Variants in PAXIP1 observed in about 807,000 individuals in gnomAD.
PAXIP1 encodes the protein PAX-interacting protein 1.
A neutral mutation model predicts 140.6 loss-of-function variants in PAXIP1; 19 were observed. The observed-to-expected ratio is 0.14, with a 90% CI of 0.09 to 0.20. The LOEUF is 0.20. Among genes scored for constraint, PAXIP1 ranks in the 10% least tolerant of loss-of-function variants. The probability of loss-of-function intolerance (pLI) is 1.00; values close to 1 mark genes in which losing one functional copy is unlikely to be tolerated. For missense variants in PAXIP1, 920 were observed against 1,208.6 expected, an observed-to-expected ratio of 0.76 and a Z score of 3.54; for synonymous variants, 442 against 444.6, an observed-to-expected ratio of 0.99 and a Z score of 0.07.
At chr7:154,976,809 A>T (rs948384810) in intron 5 of PAXIP1, among the ~76,000 whole-genome samples, 1 of 152,230 alleles carries the variant, frequency 6.6e-6, no homozygotes, top group Non-Finnish European at 1.5e-5. Flanking sequence ...GGACAGCTCT[A>T]TTCAAGATCC....
intron 1 of PAXIP1, 28 bp downstream of exon 1, chr7:155,002,821 G>A (rs779748834): frequency 2.3e-6 from 3 of 1,322,870 alleles, no homozygotes; most frequent in Non-Finnish European, 2.0e-6. Context: ...GACGGGGGAG[G>A]AGGCCGCGGC....
chr7:154,967,984 G>A lies in PAXIP1; in HGVS notation c.1799-74C>T, dbSNP rs978718205. The A allele has an allele frequency of 3.6e-5, 32 of 897,386 alleles. 1 individual carries two copies. The highest frequency in any genetic ancestry group is 2.8e-4 in the South Asian group (18 of 63,572). The allele number at this position is 897,386 out of a possible 1,614,324, so 55.6% of individuals were successfully genotyped here. On this transcript the variant is annotated intron_variant, in intron 7 of 20. Coordinates refer to ENST00000404141, the MANE Select transcript of PAXIP1 (RefSeq NM_007349.4). ...GCTTGCACAAAAGTTAAAAAGTGGC[G>A]CCTCACAATGTCAATCTGTTATGTT...
At chr7:154,964,311 G>C (rs1808902578) in intron 8 of PAXIP1, 1 of 153,196 alleles carries the variant, frequency 6.5e-6, no homozygotes, top group East Asian at 1.9e-4. Flanking sequence ...GAATTGCTCT[G>C]TGTCCGGGCT....
intron 6 of PAXIP1, among the ~76,000 whole-genome samples, chr7:154,971,089 G>A (rs1676438566): frequency 6.6e-6 from 1 of 152,218 alleles, no homozygotes; most frequent in African/African-American, 2.4e-5. Context: ...ACAGAGGCCA[G>A]AGGCTCCTAT....
chr7:154,946,830 A>G lies in PAXIP1; in HGVS notation c.2923-17T>C, dbSNP rs1232190523. The G allele has an allele frequency of 6.6e-7, 1 of 1,519,658 alleles. No individual in the cohort carries two copies. Among genetic ancestry groups the G allele is most frequent in the East Asian group, 2.4e-5 (1 of 41,102 alleles). The allele number at this position is 1,519,658 out of a possible 1,614,324, so 94.1% of individuals were successfully genotyped here. A position where few individuals can be genotyped will look rare whatever the true frequency, so the allele number is the denominator to read the frequency against. On this transcript the variant is annotated splice_polypyrimidine_tract_variant and intron_variant, in intron 17 of 20. Coordinates refer to ENST00000404141, the MANE Select transcript of PAXIP1 (RefSeq NM_007349.4). The surrounding 1 kb of genome is among the most constrained non-coding windows in gnomAD (Gnocchi z 4.9). ...ATATTTTGCCTAAAATTAAATGAAA[A>G]TATATGTATTATGTTCTTAAAATGC... is the stretch of plus-strand genomic sequence containing the variant.
intron 2 of PAXIP1, 45 bp from the exon 3 acceptor site, chr7:154,993,814 G>A (rs1374284403): frequency 1.4e-6 from 2 of 1,432,974 alleles, no homozygotes; most frequent in Admixed American, 2.0e-5. Context: ...CAATTTACAA[G>A]TGGCATATTA....
At position 154,961,667 on chromosome 7, in the gene PAXIP1, A is replaced by C. The variant is rs1216023660; in HGVS notation, c.2128-19T>G. On this transcript the variant is annotated intron_variant, in intron 10 of 20. Transcript: ENST00000404141. The stretch of plus-strand genomic sequence containing the variant: ...AAATAATCTAAGAAAAAAAGAGAAA[A>C]TAAGGTAAACACAAAATAAGCAAAA... 1 of 1,565,716 alleles carries C rather than the reference A, an allele frequency of 6.4e-7. No homozygotes were observed. Among genetic ancestry groups the C allele is most frequent in the Non-Finnish European group, 8.7e-7 (1 of 1,155,842 alleles).
chr7:154,975,897 G>A lies in PAXIP1; in HGVS notation c.873C>T (p.Asn291=). 7 of 1,614,004 alleles carry A rather than the reference G, an allele frequency of 4.3e-6. No individual in the cohort carries two copies. The highest frequency in any genetic ancestry group is 1.3e-5 in the African/African-American group (1 of 75,056). The part of the protein sequence containing the change: ...LPQGKEPGLI[N]LCANVPPVPG... Reference sequence around the variant, plus strand: ...GGACGGGTGGGACATTGGCACACAAGTTAATCAACCCAGGCTCCTTTCCCT... The same window carrying A: ...GGACGGGTGGGACATTGGCACACAAATTAATCAACCCAGGCTCCTTTCCCT... Residue 291 remains asparagine, a synonymous_variant, in exon 6 of 21, where the codon AAC becomes AAT. Coordinates refer to ENST00000404141, the MANE Select transcript of PAXIP1 (RefSeq NM_007349.4).
chr7:154,962,590 CT>C, intron 9 of PAXIP1, 132 bp from the exon 10 acceptor site: 1 of 708,202 alleles, frequency 1.4e-6, no homozygotes, highest in Non-Finnish European at 2.3e-6. Context: ...ACATCTAGCA[CT>C]TGATTAAAGT....
intron 1 of PAXIP1, among the ~76,000 whole-genome samples, chr7:154,999,840 G>A (rs778283758): frequency 2.0e-5 from 3 of 152,192 alleles, no homozygotes; most frequent in Non-Finnish European, 2.9e-5. Flanking sequence ...AGCCATGAGC[G>A]TGAAGGTGGT....
chr7:154,973,096 T>C lies in PAXIP1; in HGVS notation c.1074+2600A>G, dbSNP rs1055488451. Among the ~76,000 whole-genome samples the C allele has an allele frequency of 4.5e-4, 68 of 152,088 alleles. No homozygotes were observed. Among genetic ancestry groups the C allele is most frequent in the Non-Finnish European group, 2.9e-4 (20 of 68,012 alleles). On this transcript the variant is annotated intron_variant, in intron 6 of 20. Transcript: ENST00000404141. This position sits in a 1 kb window ranked among gnomAD's most constrained non-coding sequence, Gnocchi z 4.0. Reference sequence around the variant, plus strand: ...TGGCTCCTTCTGTGCATCTACCTTTTCCCTAAACTCGGCTGACCCCAGCGC... The same window carrying C: ...TGGCTCCTTCTGTGCATCTACCTTTCCCCTAAACTCGGCTGACCCCAGCGC...
In PAXIP1 at chr7:154,962,308, G is replaced by A. The variant is rs1331118382; in HGVS notation, c.2127+13C>T. 2 of 1,611,712 alleles carry A rather than the reference G, an allele frequency of 1.2e-6. No individual in the cohort carries two copies. The highest frequency in any genetic ancestry group is 2.7e-5 in the African/African-American group (2 of 74,798). On this transcript the variant is annotated intron_variant, in intron 10 of 20. Coordinates refer to ENST00000404141, the MANE Select transcript of PAXIP1 (RefSeq NM_007349.4). ...GATGATTTAACAAATGGAACGCGAG[G>A]ACTCTGTCTTACATGCTGTGAACAT...
intron 20 of PAXIP1, chr7:154,944,479 A>C: frequency 5.1e-6 from 1 of 195,408 alleles, no homozygotes; most frequent in Admixed American, 5.5e-5. Context: ...CACAACCCCC[A>C]AGAGCTGACA....
In PAXIP1 at chr7:154,986,416, G is replaced by A. The variant is rs572637382; in HGVS notation, c.325-3084C>T. The stretch of plus-strand genomic sequence containing the variant: ...ATTTTTGCATATGTTGCAACATACC[G>A]TATTTGCCCAAGGCCTGACCCCTCC... On this transcript the variant is annotated intron_variant, in intron 4 of 20. Coordinates refer to ENST00000404141, the MANE Select transcript of PAXIP1 (RefSeq NM_007349.4). This position sits in a 1 kb window ranked among gnomAD's most constrained non-coding sequence, Gnocchi z 4.8. 1.7e-4 allele frequency among the ~76,000 whole-genome samples: 26 copies of A among 152,050 alleles called. No homozygotes were observed. The highest frequency in any genetic ancestry group is 3.2e-3 in the Middle Eastern group (1 of 316).
intron 5 of PAXIP1, among the ~76,000 whole-genome samples, chr7:154,977,313 T>C (rs4960656): frequency 0.55 from 83,940 of 152,156 alleles, 23,739 homozygotes; most frequent in Admixed American, 0.64. Flanking sequence ...TCCTAAAAGC[T>C]TAACACATAA....
chr7:154,991,569 C>G (rs764107451), intron 3 of PAXIP1, among the ~76,000 whole-genome samples: 4 of 152,186 alleles, frequency 2.6e-5, no homozygotes, highest in Non-Finnish European at 5.9e-5. Flanking sequence ...TGAACTTAGG[C>G]AAGACAACTG....
intron 1 of PAXIP1, among the ~76,000 whole-genome samples, chr7:155,002,548 G>A (rs997633609): frequency 5.9e-5 from 9 of 151,882 alleles, no homozygotes; most frequent in Non-Finnish European, 1.2e-4. Flanking sequence ...AGCAGAGAAC[G>A]AGGCGGCCCG....
In PAXIP1 at chr7:154,998,638, T is replaced by A; in HGVS notation, c.216+12A>T. ...AGGAAAAGATATAAAACAAATTATGTTTACTACTGACCTTTACAACAGGTA... is the reference window on the plus strand; with the variant it reads ...AGGAAAAGATATAAAACAAATTATGATTACTACTGACCTTTACAACAGGTA... On this transcript the variant is annotated intron_variant, in intron 2 of 20. Transcript: ENST00000404141. 6.2e-7 allele frequency: 1 copy of A among 1,608,428 alleles called. No homozygotes were observed. The highest frequency in any genetic ancestry group is 8.5e-7 in the Non-Finnish European group (1 of 1,176,144).
rs547400190 is a variant in PAXIP1, at chr7:154,983,533, T to A, written c.325-201A>T. 4 of 412,766 alleles carry A rather than the reference T, an allele frequency of 9.7e-6. No individual in the cohort carries two copies. In the East Asian group the frequency reaches 1.8e-4, roughly 18 times the overall value. The allele number at this position is 412,766 out of a possible 1,614,324, so 25.6% of individuals were successfully genotyped here. On this transcript the variant is annotated intron_variant, in intron 4 of 20. Transcript: ENST00000404141. ...TCACTCCTATCATAATAGTTTTACA[T>A]ATATGAATTACTTATTTTTGCCTTG...
Sources: gnomAD v4.1 joint callset for allele counts (sites outside exome capture counted in the v4.1 genomes callset) on GRCh38, gnomAD v4.1.1 for gene constraint, Gnocchi (gnomAD v3.1) non-coding constraint, MANE v1.5 for transcripts, NCBI Gene and HGNC (gene_info 2026-07-23, HGNC 2026-07-21) for gene names.